Variants in ZNF385B observed in about 807,000 individuals in gnomAD.
The protein encoded by ZNF385B is zinc finger protein 533.
In ZNF385B, 23 loss-of-function variants were observed where a neutral mutation model predicts 39.2. The observed-to-expected ratio is 0.59, with a 90% CI of 0.42 to 0.83. The LOEUF (loss-of-function observed/expected upper bound fraction) is 0.83, where lower values mean the gene tolerates loss of function less well. ZNF385B is among the 40% of genes least tolerant of loss of function. ZNF385B has a pLI of 0.00. For missense variants in ZNF385B, 552 were observed against 598.9 expected (o/e 0.92, Z 0.82); for synonymous variants, 205 against 222.6 (o/e 0.92, Z 0.70).
At position 179,786,557 on chromosome 2, in the gene ZNF385B, A is replaced by G. The variant is rs73973734; in HGVS notation, c.-154-15885T>C. ...GAGGAAAGAACACGGGTAAGACTAG[A>G]GAATCTTAGGTAACCCCCCTAAGGC... is the stretch of plus-strand genomic sequence containing the variant. On this transcript the variant is annotated intron_variant, in intron 1 of 9. Coordinates refer to ENST00000410066, the MANE Select transcript of ZNF385B (RefSeq NM_152520.6). Among the ~76,000 whole-genome samples, 330 of 152,194 alleles carry G rather than the reference A, an allele frequency of 2.2e-3. 4 individuals are homozygous for G. Among genetic ancestry groups the G allele is most frequent in the African/African-American group, 7.6e-3 (317 of 41,532 alleles).
In ZNF385B at chr2:179,740,438, C is replaced by T. The variant is rs1319391754; in HGVS notation, c.298+29065G>A. Among the ~76,000 whole-genome samples, 5 of 152,096 alleles carry T rather than the reference C, an allele frequency of 3.3e-5. No individual in the cohort carries two copies. The East Asian group carries it at 7.7e-4, about 23-fold the overall frequency. On this transcript the variant is annotated intron_variant, in intron 3 of 9. Transcript: ENST00000410066. ...GAGGCATCTTTTTGTCATTCAATTGCCATTTGCCAAGAAAAGATAGCTATT... is the reference window on the plus strand; with the variant it reads ...GAGGCATCTTTTTGTCATTCAATTGTCATTTGCCAAGAAAAGATAGCTATT...
intron 3 of ZNF385B, among the ~76,000 whole-genome samples, chr2:179,693,550 A>G (rs1698508333): frequency 6.6e-6 from 1 of 152,238 alleles, no homozygotes; most frequent in South Asian, 2.1e-4. Flanking sequence ...ACTTAAAAAC[A>G]TAATTTCAAA....
At chr2:179,765,357 A>G (rs1214891670) in intron 3 of ZNF385B, among the ~76,000 whole-genome samples, 1 of 152,182 alleles carries the variant, frequency 6.6e-6, no homozygotes, top group Non-Finnish European at 1.5e-5. Context: ...AATTTCAGGC[A>G]GTATGGAGTG....
intron 5 of ZNF385B, among the ~76,000 whole-genome samples, chr2:179,485,308 C>A (rs2054450309): frequency 6.6e-6 from 1 of 152,122 alleles, no homozygotes; most frequent in Admixed American, 6.5e-5. Context: ...TAAGTGGAAC[C>A]ATTTCACTAC....
At chr2:179,469,308 C>CA (rs1170828394) in intron 6 of ZNF385B, among the ~76,000 whole-genome samples, 1 of 152,078 alleles carries the variant, frequency 6.6e-6, no homozygotes, top group East Asian at 1.9e-4. Flanking sequence ...AATTAAATCG[C>CA]AAAAAAATCT....
chr2:179,462,584 A>T (rs911789083), intron 6 of ZNF385B, among the ~76,000 whole-genome samples: 1 of 148,994 alleles, frequency 6.7e-6, no homozygotes, highest in East Asian at 2.0e-4. Context: ...TTAATGGATT[A>T]AAAAAAAAAG....
At chr2:179,581,219 C>T (rs962091171) in intron 3 of ZNF385B, among the ~76,000 whole-genome samples, 6 of 152,160 alleles carry the variant, frequency 3.9e-5, no homozygotes, top group African/African-American at 1.4e-4. Context: ...AGAATTTCTA[C>T]ATTAAAAATA....
intron 6 of ZNF385B, among the ~76,000 whole-genome samples, chr2:179,482,719 T>A (rs2054132036): frequency 6.6e-6 from 1 of 152,188 alleles, no homozygotes; most frequent in African/African-American, 2.4e-5. Context: ...TGAGGGGAAC[T>A]CTGAAGATCT....
intron 5 of ZNF385B, among the ~76,000 whole-genome samples, chr2:179,498,950 G>A (rs1278971803): frequency 6.6e-6 from 1 of 151,648 alleles, no homozygotes; most frequent in African/African-American, 2.4e-5. Context: ...AAAGACAGAA[G>A]ATCCAAATAA....
chr2:179,562,515 G>A, intron 3 of ZNF385B: 2 of 985,378 alleles, frequency 2.0e-6, no homozygotes, highest in Non-Finnish European at 2.4e-6. Flanking sequence ...GAAATGTGGT[G>A]CTAGGAAACA....
rs746679408 is a variant in ZNF385B, at chr2:179,769,763, T to C, written c.38A>G (p.Asp13Gly). ...YSLSPDNHLE[D>G]GIMNMANFLR... ...AAAATTTGCCATATTCATGATTCCA[T>C]CTTCAAGATGGTTGTCAGGGCTTAA... Residue 13 changes from aspartate to glycine, a missense_variant, in exon 3 of 10, where the codon GAT (aspartate) becomes GGT (glycine). Transcript: ENST00000410066. 6.2e-7 allele frequency: 1 copy of C among 1,613,790 alleles called. No individual in the cohort carries two copies. The highest frequency in any genetic ancestry group is 2.2e-5 in the East Asian group (1 of 44,886).
chr2:179,557,073 T>A (rs2060954754), intron 3 of ZNF385B, among the ~76,000 whole-genome samples: 1 of 149,266 alleles, frequency 6.7e-6, no homozygotes. Context: ...GTAAGCATAA[T>A]TAGGAATCTA....
intron 3 of ZNF385B, among the ~76,000 whole-genome samples, chr2:179,624,196 G>C (rs1237932492): frequency 6.6e-6 from 1 of 151,928 alleles, no homozygotes; most frequent in Non-Finnish European, 1.5e-5. Context: ...CTAGGTATTT[G>C]CTATCTTTCC....
chr2:179,643,819 T>A (rs1375969659), intron 3 of ZNF385B, among the ~76,000 whole-genome samples: 3 of 152,104 alleles, frequency 2.0e-5, no homozygotes, highest in African/African-American at 7.2e-5. Context: ...TCTCTCTCTA[T>A]ATATATGTAT....
chr2:179,609,906 T>G (rs1055512980), intron 3 of ZNF385B, among the ~76,000 whole-genome samples: 8 of 152,232 alleles, frequency 5.3e-5, no homozygotes, highest in African/African-American at 1.9e-4. Context: ...TTGCCCATTT[T>G]TAATCAGAAT....
At chr2:179,644,225 T>C (rs569802765) in intron 3 of ZNF385B, among the ~76,000 whole-genome samples, 16 of 152,292 alleles carry the variant, frequency 1.1e-4, no homozygotes, top group African/African-American at 2.9e-4. Flanking sequence ...GAAGCTCGCT[T>C]TGTTAGTGCC....
At position 179,757,162 on chromosome 2, in the gene ZNF385B, T is replaced by C. The variant is rs927287243; in HGVS notation, c.298+12341A>G. On this transcript the variant is annotated intron_variant, in intron 3 of 9. Coordinates refer to ENST00000410066, the MANE Select transcript of ZNF385B (RefSeq NM_152520.6). ...TTTTGGTGTGGATGTCCTTTCTGTT[T>C]GTTAGTTTTCCTTCTAACAGTCAGG... Among the ~76,000 whole-genome samples the C allele has an allele frequency of 3.9e-5, 6 of 152,208 alleles. No individual in the cohort carries two copies. In the South Asian group the frequency reaches 1.2e-3, roughly 31 times the overall value.
At position 179,620,995 on chromosome 2, in the gene ZNF385B, ATAGT is replaced by A. The variant is rs372241728; in HGVS notation, c.299-76030_299-76027del. Among the ~76,000 whole-genome samples, 469 of 152,246 alleles carry A rather than the reference ATAGT, an allele frequency of 3.1e-3. 3 individuals carry two copies. The highest frequency in any genetic ancestry group is 0.011 in the South Asian group (52 of 4,830). ...TGGCACAGTGTCTTAGGCAAAGGAG[ATAGT>A]TAGTGTGTTTGCTGAATTGAAAGAG... On this transcript the variant is annotated intron_variant, in intron 3 of 9. Coordinates refer to ENST00000410066, the MANE Select transcript of ZNF385B (RefSeq NM_152520.6).
At chr2:179,745,452 G>A (rs1329584414) in intron 3 of ZNF385B, among the ~76,000 whole-genome samples, 2 of 152,124 alleles carry the variant, frequency 1.3e-5, no homozygotes, top group Non-Finnish European at 2.9e-5. Context: ...AAAATGCAAA[G>A]GAAGTCACCT....
Sources: allele counts gnomAD v4.1 joint callset (sites outside exome capture counted in the v4.1 genomes callset), GRCh38; gene constraint gnomAD v4.1.1; transcripts MANE v1.5; gene names NCBI Gene and HGNC (gene_info 2026-07-23, HGNC 2026-07-21).